The following PRMT8 variants were observed in gnomAD, a reference collection of about 807,000 sequenced individuals.
PRMT8 encodes the protein protein arginine N-methyltransferase 8.
In PRMT8, 7 loss-of-function variants were observed where a neutral mutation model predicts 47.1. The ratio of observed to expected loss-of-function variants is 0.15; its 90% CI spans 0.08 to 0.28. PRMT8 has a LOEUF of 0.28. PRMT8 is among the 10% of genes least tolerant of loss of function. PRMT8 has a pLI of 1.00. For missense variants in PRMT8, 237 were observed against 505.4 expected (o/e 0.47, Z 5.09); for synonymous variants, 188 against 186.5 (o/e 1.01, Z -0.07).
At chr12:3,405,760 C>T (rs114546888) in intron 1 of PRMT8, among the ~76,000 whole-genome samples, 3,238 of 152,322 alleles carry the variant, frequency 0.021, 120 homozygotes, top group African/African-American at 0.071. Context: ...GGCTCCATAG[C>T]CTTGGGCAGC....
At chr12:3,398,634 C>G (rs1864287132) in intron 1 of PRMT8, among the ~76,000 whole-genome samples, 1 of 152,224 alleles carries the variant, frequency 6.6e-6, no homozygotes, top group African/African-American at 2.4e-5. Context: ...ATCCAACCAT[C>G]CAGCCCTTAT....
intron 1 of PRMT8, among the ~76,000 whole-genome samples, chr12:3,510,685 G>A (rs754483523): frequency 1.3e-5 from 2 of 152,184 alleles, no homozygotes; most frequent in African/African-American, 4.8e-5. Flanking sequence ...CAGCTCCAGT[G>A]GCTTTTCTTG....
At chr12:3,399,926 C>T (rs1386992626) in intron 1 of PRMT8, among the ~76,000 whole-genome samples, 1 of 152,132 alleles carries the variant, frequency 6.6e-6, no homozygotes, top group Non-Finnish European at 1.5e-5. Context: ...TTTTTTTTGG[C>T]TTGGTTAATG....
rs781491284 is a variant in PRMT8, at chr12:3,569,450, A to C, written c.625-27A>C. ...CTTTGTCAGGTGAATAGATTACGAG[A>C]CCCATTTCCCCACAATTCATCAACA... On this transcript the variant is annotated intron_variant, in intron 5 of 9. Coordinates refer to ENST00000382622, the MANE Select transcript of PRMT8 (RefSeq NM_019854.5). This position sits in a 1 kb window ranked among gnomAD's most constrained non-coding sequence, Gnocchi z 8.2. 3 of 1,586,428 alleles carry C rather than the reference A, an allele frequency of 1.9e-6. No individual in the cohort carries two copies. In the South Asian group the frequency reaches 3.3e-5, roughly 18 times the overall value.
intron 1 of PRMT8, among the ~76,000 whole-genome samples, chr12:3,443,115 A>C (rs190980978): frequency 6.6e-6 from 1 of 152,320 alleles, no homozygotes; most frequent in East Asian, 1.9e-4. Flanking sequence ...TGAATGGATG[A>C]ATGAATGAGT....
chr12:3,429,957 G>A (rs566042728), intron 1 of PRMT8, among the ~76,000 whole-genome samples: 17 of 152,288 alleles, frequency 1.1e-4, no homozygotes, highest in Middle Eastern at 3.4e-3. Context: ...TTGCTTCCAG[G>A]TCAGGGAACC....
chr12:3,416,846 G>A (rs964149743), intron 1 of PRMT8, among the ~76,000 whole-genome samples: 6 of 152,230 alleles, frequency 3.9e-5, no homozygotes, highest in African/African-American at 9.7e-5. Flanking sequence ...TGGAGATTGC[G>A]CTGCTGCAGG....
chr12:3,483,594 G>T (rs1865295089), intron 1 of PRMT8, among the ~76,000 whole-genome samples: 1 of 152,194 alleles, frequency 6.6e-6, no homozygotes, highest in African/African-American at 2.4e-5. Context: ...CTGGTAAGAT[G>T]AGGACTCTGG....
At chr12:3,408,096 CT>C (rs1371975496) in intron 1 of PRMT8, among the ~76,000 whole-genome samples, 1 of 151,780 alleles carries the variant, frequency 6.6e-6, no homozygotes, top group Admixed American at 6.6e-5. Context: ...GCTGAGTTTT[CT>C]TTTTTATCTT....
intron 4 of PRMT8, among the ~76,000 whole-genome samples, chr12:3,561,207 C>CT (rs1866630626): frequency 6.6e-6 from 1 of 152,134 alleles, no homozygotes. Context: ...AACAGAGGGT[C>CT]GTGCTAAGAA....
intron 1 of PRMT8, among the ~76,000 whole-genome samples, chr12:3,411,015 G>A (rs1458567681): frequency 2.0e-5 from 3 of 152,192 alleles, no homozygotes; most frequent in African/African-American, 7.2e-5. Flanking sequence ...GCTAGTCCAA[G>A]GGTAGGCCAC....
chr12:3,405,614 A>G (rs1864365146), intron 1 of PRMT8, among the ~76,000 whole-genome samples: 1 of 152,238 alleles, frequency 6.6e-6, no homozygotes, highest in Non-Finnish European at 1.5e-5. Context: ...CCTGTTCCAA[A>G]TGAGAGAAAT....
chr12:3,510,601 C>A (rs186536102), intron 1 of PRMT8, among the ~76,000 whole-genome samples: 2 of 152,258 alleles, frequency 1.3e-5, no homozygotes, highest in African/African-American at 2.4e-5. Flanking sequence ...GCTCCCTACT[C>A]GAAGATGTAA....
chr12:3,381,473 T>C (rs1280602447), intron 1 of PRMT8: 7 of 1,534,724 alleles, frequency 4.6e-6, no homozygotes, highest in Non-Finnish European at 5.2e-6. Flanking sequence ...ATTTCTTTCC[T>C]TTCTTCTTCC....
chr12:3,563,195 A>G (rs1452612240), intron 4 of PRMT8, among the ~76,000 whole-genome samples: 1 of 152,040 alleles, frequency 6.6e-6, no homozygotes. Context: ...GAAACCAGGC[A>G]GGGTCTCTGG....
chr12:3,586,689 G>C (rs1867182364), intron 8 of PRMT8, among the ~76,000 whole-genome samples: 1 of 152,168 alleles, frequency 6.6e-6, no homozygotes, highest in African/African-American at 2.4e-5. Context: ...AGACCTCCAG[G>C]TGATTGCGAT....
rs1018948670 is a variant in PRMT8 at position 3,572,035 on chromosome 12, T to C, written c.712+2471T>C. Among the ~76,000 whole-genome samples, 15 of 152,282 alleles carry C rather than the reference T, an allele frequency of 9.9e-5. 1 individual carries two copies. The highest frequency in any genetic ancestry group is 4.6e-4 in the Admixed American group (7 of 15,304). ...AGGGAGAGCTTTCTTTCCTTTCCTC[T>C]CCTTTCCTTTTCTTTTATTTCCTTC... is the stretch of plus-strand genomic sequence containing the variant. On this transcript the variant is annotated intron_variant, in intron 6 of 9. Transcript: ENST00000382622. This position sits in a 1 kb window ranked among gnomAD's most constrained non-coding sequence, Gnocchi z 5.9.
At chr12:3,540,160 A>G (rs3759363) in intron 1 of PRMT8, among the ~76,000 whole-genome samples, 33,291 of 152,194 alleles carry the variant, frequency 0.22, 4,565 homozygotes, top group South Asian at 0.35. Flanking sequence ...TGAGAAGTTC[A>G]TAAGTTTGCC....
rs544690215 is a variant in PRMT8, at chr12:3,593,038, T to C, written c.1102-61T>C. ...TCCAGGAGCAGGTGGTGCCAGAGAG[T>C]GGGGCTGTGGCTTCATACCCAGACG... On this transcript the variant is annotated intron_variant, in intron 9 of 9. Coordinates refer to ENST00000382622, the MANE Select transcript of PRMT8 (RefSeq NM_019854.5). The surrounding 1 kb of genome is among the most constrained non-coding windows in gnomAD (Gnocchi z 4.8). 13 of 1,330,358 alleles carry C rather than the reference T, an allele frequency of 9.8e-6. 1 individual carries two copies. The South Asian group carries it at 1.3e-4, about 13-fold the overall frequency. The allele number at this position is 1,330,358 out of a possible 1,614,324, so 82.4% of individuals were successfully genotyped here. A position where few individuals can be genotyped will look rare whatever the true frequency, so the allele number is the denominator to read the frequency against.
Sources: gnomAD v4.1 joint callset for allele counts (sites outside exome capture counted in the v4.1 genomes callset) on GRCh38, gnomAD v4.1.1 for gene constraint, Gnocchi (gnomAD v3.1) non-coding constraint, MANE v1.5 for transcripts, NCBI Gene and HGNC (gene_info 2026-07-23, HGNC 2026-07-21) for gene names.